The following THEM6 variants were observed in gnomAD, a reference collection of about 807,000 sequenced individuals.
THEM6 encodes protein THEM6.
A neutral mutation model predicts 13.7 loss-of-function variants in THEM6; 10 were observed. That is an observed-to-expected ratio of 0.73 (90% CI 0.45 to 1.24). THEM6 has a LOEUF of 1.24. Among genes scored for constraint, THEM6 ranks in the 50% most tolerant of loss-of-function variants. The pLI, the probability that THEM6 is intolerant of heterozygous loss-of-function variation, is 0.00. For missense variants in THEM6, 317 were observed against 312.6 expected (o/e 1.01, Z -0.11); for synonymous variants, 161 against 156.0 (o/e 1.03, Z -0.24).
intron 1 of THEM6, among the ~76,000 whole-genome samples, chr8:142,732,039 C>T (rs1214815128): frequency 6.6e-6 from 1 of 150,982 alleles, no homozygotes; most frequent in East Asian, 2.0e-4. Flanking sequence ...TTTCCTTTGT[C>T]TCTGCCAGCC....
At chr8:142,730,678 A>AT (rs1444952696) in intron 1 of THEM6, among the ~76,000 whole-genome samples, 1 of 151,970 alleles carries the variant, frequency 6.6e-6, no homozygotes, top group Non-Finnish European at 1.5e-5. Context: ...TTTTTGTATG[A>AT]TTTTATACCA....
In THEM6 at chr8:142,727,293, A is replaced by T. The variant is rs1554642375; in HGVS notation, c.-54A>T. 1 of 1,410,172 alleles carries T rather than the reference A, an allele frequency of 7.1e-7. No individual in the cohort carries two copies. The highest frequency in any genetic ancestry group is 9.2e-7 in the Non-Finnish European group (1 of 1,090,616). The allele number at this position is 1,410,172 out of a possible 1,614,324, so 87.4% of individuals were successfully genotyped here. A position where few individuals can be genotyped will look rare whatever the true frequency, so the allele number is the denominator to read the frequency against. Reference sequence around the variant, plus strand: ...GCGGGCACCGTAACCAGCGCCGCGGACACCGGCACCGGCGCCACGGACTCC... The same window carrying T: ...GCGGGCACCGTAACCAGCGCCGCGGTCACCGGCACCGGCGCCACGGACTCC... On this transcript the variant is annotated 5_prime_UTR_variant, in exon 1 of 2. Coordinates refer to ENST00000336138, the MANE Select transcript of THEM6 (RefSeq NM_016647.3).
chr8:142,735,154 TG>T, intron 1 of THEM6, 171 bp from the exon 2 acceptor site: 1 of 601,084 alleles, frequency 1.7e-6, no homozygotes, highest in Admixed American at 2.5e-5. Flanking sequence ...TGTGTCAAGG[TG>T]GGTATGCAGG....
At chr8:142,732,207 T>TATATATATATA (rs1563822652) in intron 1 of THEM6, among the ~76,000 whole-genome samples, 361 of 91,332 alleles carry the variant, frequency 4.0e-3, no homozygotes, top group Non-Finnish European at 5.3e-3. Context: ...TATATATATA[T>TATATATATATA]TTTAACTACT....
At chr8:142,728,006 G>C (rs1274380327) in intron 1 of THEM6, 147 bp downstream of exon 1, 2 of 911,476 alleles carry the variant, frequency 2.2e-6, no homozygotes, top group African/African-American at 3.5e-5. Context: ...TACCGCTCCC[G>C]CCCCTCCCTC....
Position 142,735,520 on chromosome 8 carries a change from T to G in THEM6, c.*81T>G. 8.9e-7 allele frequency: 1 copy of G among 1,126,154 alleles called. No homozygotes were observed. The highest frequency in any genetic ancestry group is 2.6e-5 in the East Asian group (1 of 38,620). 69.8% of individuals were successfully genotyped at this position (1,126,154 alleles called of 1,614,324 possible). A position where few individuals can be genotyped will look rare whatever the true frequency, so the allele number is the denominator to read the frequency against. The stretch of plus-strand genomic sequence containing the variant: ...CAGATGGGCAGTCTCAGCCATACTC[T>G]GTTCCAGCTGGAGTAGCCTCCTGAC... On this transcript the variant is annotated 3_prime_UTR_variant, in exon 2 of 2. Coordinates refer to ENST00000336138, the MANE Select transcript of THEM6 (RefSeq NM_016647.3).
At chr8:142,731,553 C>T (rs781855228) in intron 1 of THEM6, among the ~76,000 whole-genome samples, 4 of 152,166 alleles carry the variant, frequency 2.6e-5, no homozygotes, top group Non-Finnish European at 4.4e-5. Context: ...GCCTTTTACG[C>T]TATTTCTTTT....
chr8:142,728,003 C>G (rs1213743740), intron 1 of THEM6, 144 bp downstream of exon 1: 1 of 907,214 alleles, frequency 1.1e-6, no homozygotes, highest in Non-Finnish European at 1.5e-6. Context: ...TCTTACCGCT[C>G]CCGCCCCTCC....
chr8:142,732,208 T>TATATATATATATATA (rs1815665287), intron 1 of THEM6, among the ~76,000 whole-genome samples: 1 of 39,400 alleles, frequency 2.5e-5, no homozygotes, highest in South Asian at 9.8e-4. Context: ...ATATATATAT[T>TATATATATATATATA]TTAACTACTG....
chr8:142,733,579 C>T (rs1815698723), intron 1 of THEM6, among the ~76,000 whole-genome samples: 1 of 152,170 alleles, frequency 6.6e-6, no homozygotes, highest in Admixed American at 6.5e-5. Context: ...GTTCCAGCGC[C>T]TCTGACACTG....
chr8:142,732,280 G>T (rs1043122004), intron 1 of THEM6, among the ~76,000 whole-genome samples: 1 of 145,798 alleles, frequency 6.9e-6, no homozygotes, highest in Non-Finnish European at 1.5e-5. Flanking sequence ...CAAACCAGGG[G>T]TGTCTTGCCT....
rs1017080756 is a variant in THEM6, at chr8:142,727,820, C to G, written c.474C>G (p.Thr158=). ...LLRFRQHLLG[T]SPERVVQHLC... is the part of the protein sequence containing the mutation. ...GCTTCCGGCAGCACCTGCTGGGCAC[C>G]TCACCCGAGCGCGTCGTGCAGCACC... Residue 158 remains threonine, a synonymous_variant, in exon 1 of 2, where the codon ACC becomes ACG. Transcript: ENST00000336138. The G allele has an allele frequency of 6.8e-7, 1 of 1,462,036 alleles. No homozygotes were observed. The highest frequency in any genetic ancestry group is 1.3e-5 in the South Asian group (1 of 74,508). 90.6% of individuals were successfully genotyped at this position (1,462,036 alleles called of 1,614,324 possible). A position where few individuals can be genotyped will look rare whatever the true frequency, so the allele number is the denominator to read the frequency against.
chr8:142,733,172 C>G (rs1815689905), intron 1 of THEM6, among the ~76,000 whole-genome samples: 1 of 152,114 alleles, frequency 6.6e-6, no homozygotes, highest in Non-Finnish European at 1.5e-5. Flanking sequence ...CAGAGGAGAA[C>G]AAAGGAAGGA....
At chr8:142,730,784 G>A (rs1410921850) in intron 1 of THEM6, among the ~76,000 whole-genome samples, 1 of 143,998 alleles carries the variant, frequency 6.9e-6, no homozygotes, top group Non-Finnish European at 1.5e-5. Context: ...TTGCTCTGTC[G>A]CCCAGGCTGG....
chr8:142,733,576 C>T (rs587728124), intron 1 of THEM6, among the ~76,000 whole-genome samples: 10 of 152,268 alleles, frequency 6.6e-5, no homozygotes, highest in Middle Eastern at 3.4e-3. Flanking sequence ...CTGGTTCCAG[C>T]GCCTCTGACA....
chr8:142,734,744 T>C (rs1372089603), intron 1 of THEM6: 3 of 154,468 alleles, frequency 1.9e-5, no homozygotes, highest in Non-Finnish European at 4.3e-5. Flanking sequence ...CACCCTGAAG[T>C]GGGGGTGGGC....
At position 142,735,409 on chromosome 8, in the gene THEM6, T is replaced by C. The variant is rs955611110; in HGVS notation, c.597T>C (p.Ser199=). 5.7e-6 allele frequency: 9 copies of C among 1,582,610 alleles called. No homozygotes were observed. The highest frequency in any genetic ancestry group is 7.7e-6 in the Non-Finnish European group (9 of 1,164,708). The change falls in exon 2 of 2, where the codon AGT becomes AGC. Residue 199 remains serine, a synonymous_variant. Transcript: ENST00000336138. ...EASSQLLRME[S]GLSDVTKDQ is the part of the protein sequence containing the mutation. Reference sequence around the variant, plus strand: ...GCAGCCAGCTGCTCCGCATGGAGAGTGGGCTCAGTGATGTCACCAAGGACC... The same window carrying C: ...GCAGCCAGCTGCTCCGCATGGAGAGCGGGCTCAGTGATGTCACCAAGGACC...
chr8:142,731,667 T>C (rs1364310709), intron 1 of THEM6, among the ~76,000 whole-genome samples: 1 of 152,212 alleles, frequency 6.6e-6, no homozygotes, highest in African/African-American at 2.4e-5. Flanking sequence ...TTCTCTCTCT[T>C]CACTCTCTTC....
At chr8:142,730,391 CTT>C (rs1288376206) in intron 1 of THEM6, among the ~76,000 whole-genome samples, 1 of 152,128 alleles carries the variant, frequency 6.6e-6, no homozygotes, top group Non-Finnish European at 1.5e-5. Flanking sequence ...AACTAAAAGT[CTT>C]TTAGTTCTGA....
Sources: allele counts gnomAD v4.1 joint callset (sites outside exome capture counted in the v4.1 genomes callset), GRCh38; gene constraint gnomAD v4.1.1; transcripts MANE v1.5; gene names NCBI Gene and HGNC (gene_info 2026-07-23, HGNC 2026-07-21).